Variants in PPFIA2 observed in about 807,000 individuals in gnomAD.
The protein encoded by PPFIA2 is liprin-alpha-2.
In PPFIA2, 46 loss-of-function variants were observed where a neutral mutation model predicts 175.5. The observed-to-expected ratio is 0.26, with a 90% CI of 0.21 to 0.34. The LOEUF is 0.34. Ranked by LOEUF, PPFIA2 falls within the 10% of genes least tolerant of loss-of-function variation. The pLI, the probability that PPFIA2 is intolerant of heterozygous loss-of-function variation, is 1.00. For missense variants in PPFIA2, 1,179 were observed against 1,506.1 expected (o/e 0.78, Z 3.60); for synonymous variants, 568 against 511.4 (o/e 1.11, Z -1.49).
intron 21 of PPFIA2, among the ~76,000 whole-genome samples, chr12:81,332,535 TTA>T (rs2056333555): frequency 1.3e-5 from 2 of 152,112 alleles, no homozygotes; most frequent in Non-Finnish European, 2.9e-5. Context: ...TCTCCAAACA[TTA>T]TGTCTGTATC....
At chr12:81,270,958 T>C (rs1447983998) in intron 28 of PPFIA2, 1 of 152,228 alleles carries the variant, frequency 6.6e-6, no homozygotes, top group African/African-American at 2.4e-5. Flanking sequence ...TTCTAGTATG[T>C]TTCCTGCCTT....
chr12:81,389,154 CAT>C (rs1367954856), intron 8 of PPFIA2, among the ~76,000 whole-genome samples: 12 of 147,524 alleles, frequency 8.1e-5, no homozygotes, highest in Admixed American at 6.8e-4. Flanking sequence ...TACACACACA[CAT>C]ATATGTATTC....
chr12:81,326,102 TG>T (rs1483643676), intron 21 of PPFIA2, among the ~76,000 whole-genome samples: 2 of 152,140 alleles, frequency 1.3e-5, no homozygotes, highest in African/African-American at 4.8e-5. Flanking sequence ...TTGCACCCAG[TG>T]GCAACATAAT....
chr12:81,407,419 A>T (rs1307541094), intron 7 of PPFIA2, among the ~76,000 whole-genome samples: 1 of 151,686 alleles, frequency 6.6e-6, no homozygotes, highest in East Asian at 1.9e-4. Flanking sequence ...GGAGGCGGAG[A>T]TTGCAGTGAG....
intron 4 of PPFIA2, among the ~76,000 whole-genome samples, chr12:81,674,819 G>T (rs1414340262): frequency 1.3e-5 from 2 of 151,932 alleles, no homozygotes; most frequent in Non-Finnish European, 2.9e-5. Flanking sequence ...AATAATGGAA[G>T]TAACCCTAGA....
chr12:81,609,700 GAAGGTTGA>G (rs1567560016), intron 4 of PPFIA2, among the ~76,000 whole-genome samples: 1 of 152,124 alleles, frequency 6.6e-6, no homozygotes, highest in African/African-American at 2.4e-5. Flanking sequence ...GAAGAAAGCA[GAAGGTTGA>G]ATCTTGTATT....
At chr12:81,485,410 C>A (rs1277036528) in intron 4 of PPFIA2, among the ~76,000 whole-genome samples, 6 of 151,548 alleles carry the variant, frequency 4.0e-5, no homozygotes, top group African/African-American at 1.5e-4. Context: ...AAATCCTTAA[C>A]CTATAAGTTA....
chr12:81,707,200 A>C lies in PPFIA2; in HGVS notation c.250-30356T>G, dbSNP rs370131631. 4.0e-3 allele frequency among the ~76,000 whole-genome samples: 602 copies of C among 152,302 alleles called. 4 individuals are homozygous for C. Among genetic ancestry groups the C allele is most frequent in the South Asian group, 0.027 (131 of 4,826 alleles). ...TCTAATTAAACTAAAGAGTTTCTGCACAGCAAAAGAAACTACCATCAGAGT... is the reference window on the plus strand; with the variant it reads ...TCTAATTAAACTAAAGAGTTTCTGCCCAGCAAAAGAAACTACCATCAGAGT... On this transcript the variant is annotated intron_variant, in intron 3 of 32. Transcript: ENST00000549396.
At chr12:81,498,396 C>T (rs1169055370) in intron 4 of PPFIA2, among the ~76,000 whole-genome samples, 1 of 152,072 alleles carries the variant, frequency 6.6e-6, no homozygotes, top group Non-Finnish European at 1.5e-5. Context: ...GACAATTTCT[C>T]AGTCTTTCCT....
intron 3 of PPFIA2, among the ~76,000 whole-genome samples, chr12:81,696,372 G>A (rs2075890608): frequency 2.0e-5 from 3 of 152,136 alleles, no homozygotes; most frequent in Admixed American, 1.3e-4. Context: ...GTCTGTGGCT[G>A]CAGGCTCTTA....
chr12:81,720,391 A>G lies in PPFIA2; in HGVS notation c.249+33582T>C, dbSNP rs146566647. The stretch of plus-strand genomic sequence containing the variant: ...TACTAACTTCATTCTTGGATAGCCA[A>G]GAGCTACACACATAAGTGGACCTAA... On this transcript the variant is annotated intron_variant, in intron 3 of 32. Transcript: ENST00000549396. Among the ~76,000 whole-genome samples, 131 of 151,646 alleles carry G rather than the reference A, an allele frequency of 8.6e-4. 1 individual carries two copies. The highest frequency in any genetic ancestry group is 3.1e-3 in the African/African-American group (128 of 41,470).
intron 4 of PPFIA2, among the ~76,000 whole-genome samples, chr12:81,584,207 T>C (rs1409863251): frequency 6.6e-6 from 1 of 151,906 alleles, no homozygotes; most frequent in Non-Finnish European, 1.5e-5. Context: ...TGTTAAAACA[T>C]GTGATTCCTT....
At chr12:81,270,153 AAAT>A (rs1180005796) in intron 28 of PPFIA2, among the ~76,000 whole-genome samples, 1 of 152,262 alleles carries the variant, frequency 6.6e-6, no homozygotes, top group African/African-American at 2.4e-5. Flanking sequence ...GCAGTAGAAT[AAAT>A]AACAAGGAAT....
intron 7 of PPFIA2, among the ~76,000 whole-genome samples, chr12:81,421,461 T>C (rs1214789462): frequency 6.6e-6 from 1 of 151,840 alleles, no homozygotes; most frequent in Non-Finnish European, 1.5e-5. Context: ...GCTATTAACT[T>C]AAAAAAGACT....
intron 9 of PPFIA2, among the ~76,000 whole-genome samples, chr12:81,382,789 A>C (rs375943379): frequency 6.6e-6 from 1 of 152,124 alleles, no homozygotes; most frequent in African/African-American, 2.4e-5. Context: ...AAACATCTGG[A>C]AATCAGGAAA....
intron 28 of PPFIA2, among the ~76,000 whole-genome samples, chr12:81,271,093 CATT>C (rs2038961798): frequency 6.6e-6 from 1 of 152,090 alleles, no homozygotes; most frequent in African/African-American, 2.4e-5. Context: ...TACAGCATAT[CATT>C]GTTTTTTAAT....
intron 4 of PPFIA2, among the ~76,000 whole-genome samples, chr12:81,652,190 C>T (rs746312633): frequency 1.3e-5 from 2 of 149,376 alleles, no homozygotes; most frequent in Non-Finnish European, 3.0e-5. Context: ...GCCTTCTTCA[C>T]TCTTCACTTG....
chr12:81,741,906 A>G (rs915794791), intron 3 of PPFIA2, among the ~76,000 whole-genome samples: 1 of 152,196 alleles, frequency 6.6e-6, no homozygotes, highest in East Asian at 1.9e-4. Context: ...TAATAATTTC[A>G]TAAATTTAAG....
At chr12:81,656,428 T>C (rs576127220) in intron 4 of PPFIA2, among the ~76,000 whole-genome samples, 1 of 152,260 alleles carries the variant, frequency 6.6e-6, no homozygotes, top group South Asian at 2.1e-4. Context: ...AATAGGTGTA[T>C]GCGGAAGATT....
Sources: gnomAD v4.1 joint callset for allele counts (sites outside exome capture counted in the v4.1 genomes callset) on GRCh38, gnomAD v4.1.1 for gene constraint, MANE v1.5 for transcripts, NCBI Gene and HGNC (gene_info 2026-07-23, HGNC 2026-07-21) for gene names.